Variants in LIMA1 observed in about 807,000 individuals in gnomAD.
LIMA1 encodes the protein LIM domain and actin binding 1.
Under a neutral mutation model 62.6 loss-of-function variants are expected in LIMA1, and 52 were observed. The observed-to-expected ratio is 0.83, with a 90% CI of 0.67 to 1.05. The LOEUF is 1.05. LIMA1 is among the 50% of genes least tolerant of loss of function. LIMA1 has a pLI of 0.00. For missense variants in LIMA1, 780 were observed against 902.2 expected (o/e 0.86, Z 1.74); for synonymous variants, 302 against 317.8 (o/e 0.95, Z 0.53).
At chr12:50,242,957 C>G (rs558967920) in intron 2 of LIMA1, among the ~76,000 whole-genome samples, 74 of 152,196 alleles carry the variant, frequency 4.9e-4, no homozygotes, top group African/African-American at 1.8e-3. Context: ...TCTTTAATTC[C>G]AAAAATGTAT....
Position 50,204,694 on chromosome 12 carries a change from A to T in LIMA1, c.722T>A (p.Leu241Ter), listed in dbSNP as rs1941119989. The part of the protein sequence containing the change: ...LDDLEIGPGQ[L>*]SSSTFDSEKN... ...CTCCGAGTCAAATGTAGAAGATGAC[A>T]ACTGACCTGGAAGCATCCAAATAAC... Residue 241 changes from leucine (L) to a stop codon, truncating the protein, a stop_gained, in exon 6 of 11, where the codon TTG becomes TAG. Coordinates refer to ENST00000341247, the MANE Select transcript of LIMA1 (RefSeq NM_016357.5). LOFTEE classifies it high-confidence loss of function. 1 of 1,613,978 alleles carries T rather than the reference A, an allele frequency of 6.2e-7. No homozygotes were observed. The highest frequency in any genetic ancestry group is 1.3e-5 in the African/African-American group (1 of 74,902).
At chr12:50,216,387 G>A (rs557652909) in intron 4 of LIMA1, among the ~76,000 whole-genome samples, 5 of 152,030 alleles carry the variant, frequency 3.3e-5, no homozygotes, top group Admixed American at 6.5e-5. Context: ...GCTAATTTTT[G>A]TATTTTTAGT....
chr12:50,206,097 T>G (rs769599490), intron 4 of LIMA1, 29 bp from the exon 5 acceptor site: 1 of 1,589,932 alleles, frequency 6.3e-7, no homozygotes, highest in Non-Finnish European at 8.6e-7. Context: ...CGATAAGTTT[T>G]GCAGAAACAA....
chr12:50,216,235 GAGA>G (rs1411574935), intron 4 of LIMA1, among the ~76,000 whole-genome samples: 1 of 151,946 alleles, frequency 6.6e-6, no homozygotes, highest in Non-Finnish European at 1.5e-5. Flanking sequence ...TTCTTTTCGA[GAGA>G]AGTTTTGCTC....
intron 1 of LIMA1, among the ~76,000 whole-genome samples, chr12:50,255,146 C>A (rs954376683): frequency 6.6e-6 from 1 of 152,114 alleles, no homozygotes; most frequent in African/African-American, 2.4e-5. Context: ...TATATCCGAT[C>A]TCAGTGGCCT....
chr12:50,214,587 T>C (rs1461589427), intron 4 of LIMA1, among the ~76,000 whole-genome samples: 2 of 152,184 alleles, frequency 1.3e-5, no homozygotes, highest in Non-Finnish European at 2.9e-5. Context: ...GGTGGGGGGA[T>C]CACAAGGTCA....
chr12:50,265,466 G>A (rs1942128784), intron 1 of LIMA1, among the ~76,000 whole-genome samples: 1 of 151,044 alleles, frequency 6.6e-6, no homozygotes, highest in South Asian at 2.1e-4. Context: ...GTTGCGGTGA[G>A]CCAAGATCAC....
intron 3 of LIMA1, among the ~76,000 whole-genome samples, chr12:50,230,326 G>A (rs369425209): frequency 6.6e-6 from 1 of 152,078 alleles, no homozygotes; most frequent in Non-Finnish European, 1.5e-5. Context: ...GTGAGCCACC[G>A]CGCCCAGCCA....
intron 9 of LIMA1, chr12:50,186,017 G>A (rs1339296830): frequency 1.3e-5 from 2 of 152,740 alleles, no homozygotes; most frequent in East Asian, 1.9e-4. Flanking sequence ...AACTCACAGC[G>A]GCTGCGGCTG....
At chr12:50,251,211 G>T (rs1034177744) in intron 1 of LIMA1, among the ~76,000 whole-genome samples, 7 of 152,192 alleles carry the variant, frequency 4.6e-5, no homozygotes, top group African/African-American at 1.7e-4. Flanking sequence ...AAATGCTAAT[G>T]AATGCTTTAA....
chr12:50,193,666 ATTTTTTT>A (rs1166489086), intron 8 of LIMA1, among the ~76,000 whole-genome samples: 1 of 60,030 alleles, frequency 1.7e-5, no homozygotes, highest in Non-Finnish European at 3.3e-5. Flanking sequence ...ATATATATAT[ATTTTTTT>A]TTTTTTTTTT....
Position 50,274,741 on chromosome 12 carries a change from TG to T in LIMA1, c.-24+8678del, listed in dbSNP as rs1942256215. The stretch of plus-strand genomic sequence containing the variant: ...GGACACGAACAGCTTCTTTAGGCAG[TG>T]ATCAGGGAAGGCCTCATTGAGTGAA... On this transcript the variant is annotated intron_variant, in intron 1 of 10. Coordinates refer to ENST00000341247, the MANE Select transcript of LIMA1 (RefSeq NM_016357.5). 2.0e-5 allele frequency among the ~76,000 whole-genome samples: 3 copies of T among 152,090 alleles called. No individual in the cohort carries two copies. In the South Asian group the frequency reaches 6.2e-4, roughly 32 times the overall value.
chr12:50,272,189 G>C (rs951703775), intron 1 of LIMA1, among the ~76,000 whole-genome samples: 3 of 152,064 alleles, frequency 2.0e-5, no homozygotes, highest in Non-Finnish European at 2.9e-5. Flanking sequence ...TCAATCTGAA[G>C]AGTCAGTTCA....
chr12:50,233,997 C>A, intron 2 of LIMA1: 1 of 380,966 alleles, frequency 2.6e-6, no homozygotes. Context: ...AAAATAGTGG[C>A]ACAGCTATAG....
At chr12:50,230,043 TA>T (rs1314957693) in intron 3 of LIMA1, 1 of 152,482 alleles carries the variant, frequency 6.6e-6, no homozygotes, top group Admixed American at 6.5e-5. Context: ...TAAATTTTTT[TA>T]TTTTTTTTGA....
intron 3 of LIMA1, among the ~76,000 whole-genome samples, chr12:50,228,625 A>C (rs953120580): frequency 6.6e-6 from 1 of 152,236 alleles, no homozygotes; most frequent in Non-Finnish European, 1.5e-5. Context: ...TCATAGCTTT[A>C]AGTACCACTG....
At chr12:50,259,736 A>G (rs971283943) in intron 1 of LIMA1, among the ~76,000 whole-genome samples, 2 of 152,208 alleles carry the variant, frequency 1.3e-5, no homozygotes, top group African/African-American at 4.8e-5. Context: ...GAAGAGCTTC[A>G]GGTATGTGTA....
chr12:50,254,724 C>T (rs1025674354), intron 1 of LIMA1, among the ~76,000 whole-genome samples: 28 of 152,162 alleles, frequency 1.8e-4, no homozygotes, highest in Non-Finnish European at 4.0e-4. Context: ...AATTCATTTA[C>T]AGACTCTCCT....
chr12:50,281,961 G>A (rs1308380530), intron 1 of LIMA1, among the ~76,000 whole-genome samples: 3 of 152,144 alleles, frequency 2.0e-5, no homozygotes, highest in Non-Finnish European at 4.4e-5. Flanking sequence ...GGGTAAAGAC[G>A]TTTGGCACTT....
Sources: gnomAD v4.1 joint callset for allele counts (sites outside exome capture counted in the v4.1 genomes callset) on GRCh38, gnomAD v4.1.1 for gene constraint, MANE v1.5 for transcripts, NCBI Gene and HGNC (gene_info 2026-07-23, HGNC 2026-07-21) for gene names.